The following GRID2 variants were observed in gnomAD, a reference collection of about 807,000 sequenced individuals.
GRID2 encodes the protein glutamate ionotropic receptor delta type subunit 2.
In GRID2, 33 loss-of-function variants were observed where a neutral mutation model predicts 114.8. The ratio of observed to expected loss-of-function variants is 0.29; its 90% CI spans 0.22 to 0.38. GRID2 has a LOEUF of 0.38. Among genes scored for constraint, GRID2 ranks in the 10% least tolerant of loss-of-function variants. The probability of loss-of-function intolerance (pLI) is 1.00; values close to 1 mark genes in which losing one functional copy is unlikely to be tolerated. For missense variants in GRID2, 1,184 were observed against 1,257.7 expected (o/e 0.94, Z 0.89); for synonymous variants, 505 against 449.9 (o/e 1.12, Z -1.55).
chr4:92,463,215 TATC>T (rs1348850918), intron 1 of GRID2, among the ~76,000 whole-genome samples: 7 of 151,900 alleles, frequency 4.6e-5, no homozygotes, highest in Non-Finnish European at 1.0e-4. Context: ...TTTCAGAAAT[TATC>T]ATCAGTCTAG....
intron 13 of GRID2, among the ~76,000 whole-genome samples, chr4:93,540,896 C>T (rs929948059): frequency 3.9e-5 from 6 of 152,152 alleles, no homozygotes; most frequent in Non-Finnish European, 8.8e-5. Flanking sequence ...TATCAACTTC[C>T]TCATTTTACT....
At chr4:93,008,360 G>A (rs978389515) in intron 2 of GRID2, among the ~76,000 whole-genome samples, 2 of 152,092 alleles carry the variant, frequency 1.3e-5, no homozygotes, top group African/African-American at 4.8e-5. Flanking sequence ...GTATGGTAGA[G>A]TTGTAAAATG....
At chr4:92,855,250 A>G (rs1250177243) in intron 2 of GRID2, among the ~76,000 whole-genome samples, 1 of 152,008 alleles carries the variant, frequency 6.6e-6, no homozygotes, top group Non-Finnish European at 1.5e-5. Flanking sequence ...TTAAGTTTCT[A>G]CCTCTGTATG....
Position 92,807,828 on chromosome 4 carries a change from T to A in GRID2, c.244+217542T>A, listed in dbSNP as rs545181405. On this transcript the variant is annotated intron_variant, in intron 2 of 15. Coordinates refer to ENST00000282020, the MANE Select transcript of GRID2 (RefSeq NM_001510.4). ...TTATGTGTGTGTGCATGTGTGCGTA[T>A]GTGTCTGTCTATGTATTATTTTGTG... 2.6e-5 allele frequency among the ~76,000 whole-genome samples: 4 copies of A among 152,172 alleles called. No homozygotes were observed. In the East Asian group the frequency reaches 7.8e-4, roughly 30 times the overall value.
At chr4:92,977,297 G>A (rs572590856) in intron 2 of GRID2, among the ~76,000 whole-genome samples, 4 of 152,170 alleles carry the variant, frequency 2.6e-5, no homozygotes, top group South Asian at 4.1e-4. Context: ...TGGGAGAACC[G>A]AAAAGCAAAA....
chr4:93,472,985 G>A (rs1341653540), intron 11 of GRID2, among the ~76,000 whole-genome samples: 1 of 152,152 alleles, frequency 6.6e-6, no homozygotes, highest in African/African-American at 2.4e-5. Context: ...GCCTGATGGA[G>A]TGTCAAAAAA....
chr4:92,583,210 T>A (rs1266567632), intron 1 of GRID2, among the ~76,000 whole-genome samples: 1 of 151,996 alleles, frequency 6.6e-6, no homozygotes, highest in Non-Finnish European at 1.5e-5. Flanking sequence ...CAGAACTAAA[T>A]AAAATAATGT....
intron 1 of GRID2, among the ~76,000 whole-genome samples, chr4:92,336,453 T>C (rs560167214): frequency 1.4e-4 from 21 of 152,258 alleles, no homozygotes; most frequent in African/African-American, 4.6e-4. Flanking sequence ...AGCCAAAAGG[T>C]TAAGAAGCAA....
intron 11 of GRID2, among the ~76,000 whole-genome samples, chr4:93,470,893 ATTTTC>A (rs1724739312): frequency 7.1e-6 from 1 of 141,028 alleles, no homozygotes. Flanking sequence ...ACATTGTTAT[ATTTTC>A]TTTTCTGTTA....
At chr4:92,566,937 C>A (rs922121873) in intron 1 of GRID2, among the ~76,000 whole-genome samples, 1 of 151,978 alleles carries the variant, frequency 6.6e-6, no homozygotes, top group Non-Finnish European at 1.5e-5. Flanking sequence ...TGAAGAGCTG[C>A]CCACTCTGGA....
chr4:92,364,926 C>T (rs1169869018), intron 1 of GRID2, among the ~76,000 whole-genome samples: 1 of 152,006 alleles, frequency 6.6e-6, no homozygotes, highest in Non-Finnish European at 1.5e-5. Context: ...TGGCTGTTGA[C>T]CCACTGCCCT....
intron 14 of GRID2, among the ~76,000 whole-genome samples, chr4:93,653,432 A>G (rs1017658685): frequency 1.3e-5 from 2 of 152,190 alleles, no homozygotes; most frequent in Non-Finnish European, 2.9e-5. Context: ...TGCTAAATTA[A>G]TTCACACTTC....
chr4:92,932,755 C>T lies in GRID2; in HGVS notation c.245-152240C>T, dbSNP rs1419677089. On this transcript the variant is annotated intron_variant, in intron 2 of 15. Coordinates refer to ENST00000282020, the MANE Select transcript of GRID2 (RefSeq NM_001510.4). The stretch of plus-strand genomic sequence containing the variant: ...GCAAAGCAACAAAAACGAATGCAGG[C>T]AAAATGTGGATGAATCTAAAAAAGT... Among the ~76,000 whole-genome samples the T allele has an allele frequency of 7.3e-5, 11 of 151,112 alleles. No homozygotes were observed. In the South Asian group the frequency reaches 1.9e-3, roughly 26 times the overall value.
intron 14 of GRID2, among the ~76,000 whole-genome samples, chr4:93,717,168 G>A (rs781589517): frequency 6.6e-6 from 1 of 152,082 alleles, no homozygotes; most frequent in Middle Eastern, 3.4e-3. Context: ...TATTCATTCC[G>A]TGTTTGCCAT....
rs189605466 is a variant in GRID2 at position 92,375,281 on chromosome 4, G to T, written c.88+70537G>T. Among the ~76,000 whole-genome samples, 25 of 152,230 alleles carry T rather than the reference G, an allele frequency of 1.6e-4. 1 individual carries two copies. In the East Asian group the frequency reaches 4.6e-3, roughly 28 times the overall value. ...ATAGAATCATGTTCATGAAACCATA[G>T]AATTTTTGCACAAACGTTTGTACAA... On this transcript the variant is annotated intron_variant, in intron 1 of 15. Transcript: ENST00000282020.
intron 10 of GRID2, among the ~76,000 whole-genome samples, chr4:93,441,362 G>C (rs1313929393): frequency 6.6e-6 from 1 of 151,998 alleles, no homozygotes; most frequent in Non-Finnish European, 1.5e-5. Flanking sequence ...TAACATGCCA[G>C]TTCTAGTCTA....
intron 13 of GRID2, among the ~76,000 whole-genome samples, chr4:93,592,019 A>G (rs1738392980): frequency 6.6e-6 from 1 of 152,032 alleles, no homozygotes; most frequent in East Asian, 1.9e-4. Flanking sequence ...TCCTGGATTC[A>G]TTAATTTTTT....
At chr4:92,606,651 T>C (rs1383955156) in intron 2 of GRID2, among the ~76,000 whole-genome samples, 1 of 151,986 alleles carries the variant, frequency 6.6e-6, no homozygotes, top group Non-Finnish European at 1.5e-5. Flanking sequence ...TGCTACTAGC[T>C]CTGGGTTTTT....
At chr4:93,655,462 A>T (rs1314951157) in intron 14 of GRID2, among the ~76,000 whole-genome samples, 1 of 152,064 alleles carries the variant, frequency 6.6e-6, no homozygotes, top group African/African-American at 2.4e-5. Flanking sequence ...TTGGAAAATC[A>T]TTTCTTTTTT....
Sources: gnomAD v4.1 joint callset for allele counts (sites outside exome capture counted in the v4.1 genomes callset) on GRCh38, gnomAD v4.1.1 for gene constraint, MANE v1.5 for transcripts, NCBI Gene and HGNC (gene_info 2026-07-23, HGNC 2026-07-21) for gene names.